Variants in LAMA2 observed in about 807,000 individuals in gnomAD.
LAMA2 encodes the protein laminin subunit alpha-2.
In LAMA2, 269 loss-of-function variants were observed where a neutral mutation model predicts 364.8. That is an observed-to-expected ratio of 0.74 (90% CI 0.67 to 0.82). The LOEUF is 0.82. Among genes scored for constraint, LAMA2 ranks in the 40% least tolerant of loss-of-function variants. The pLI is 0.00. For missense variants in LAMA2, 3,807 were observed against 3,873.2 expected (o/e 0.98, Z 0.45); for synonymous variants, 1,379 against 1,370.6 (o/e 1.01, Z -0.14).
chr6:129,069,955 A>G (rs968667960), intron 3 of LAMA2, among the ~76,000 whole-genome samples: 1 of 151,884 alleles, frequency 6.6e-6, no homozygotes, highest in African/African-American at 2.4e-5. Flanking sequence ...GACAGCATGT[A>G]TGTTTTGATT....
chr6:129,007,824 A>G (rs1390038961), intron 1 of LAMA2, among the ~76,000 whole-genome samples: 4 of 152,132 alleles, frequency 2.6e-5, no homozygotes, highest in East Asian at 3.9e-4. Flanking sequence ...AACACACTGT[A>G]TTGTCAGTAA....
chr6:129,468,273 A>T (rs1783643035), intron 51 of LAMA2, among the ~76,000 whole-genome samples: 1 of 151,738 alleles, frequency 6.6e-6, no homozygotes, highest in Admixed American at 6.6e-5. Context: ...CTTAAATTAG[A>T]CTGGGAACTT....
At chr6:129,488,158 A>G (rs1209857840) in intron 56 of LAMA2, among the ~76,000 whole-genome samples, 1 of 152,000 alleles carries the variant, frequency 6.6e-6, no homozygotes, top group Non-Finnish European at 1.5e-5. Flanking sequence ...AAATGCAAAA[A>G]CATTAGCCAG....
rs770006637 is a variant in LAMA2 at position 128,965,599 on chromosome 6, CAAAAG to C, written c.112+82243_112+82247del. Among the ~76,000 whole-genome samples, 5 of 152,066 alleles carry C rather than the reference CAAAAG, an allele frequency of 3.3e-5. No individual in the cohort carries two copies. In the South Asian group the frequency reaches 8.3e-4, roughly 25 times the overall value. On this transcript the variant is annotated intron_variant, in intron 1 of 64. Transcript: ENST00000421865. ...CTTCTTTCTACTTAGGCTAAGCTCT[CAAAAG>C]GAAAGGAGATGTAATTCAATGTATG...
At chr6:129,503,029 T>C (rs1785772892) in intron 59 of LAMA2, 62 bp from the exon 60 acceptor site, 1 of 1,446,162 alleles carries the variant, frequency 6.9e-7, no homozygotes, top group Admixed American at 1.7e-5. Context: ...CTGATACCGC[T>C]CTATTTTAGC....
At chr6:129,290,427 A>G (rs1183892681) in intron 19 of LAMA2, among the ~76,000 whole-genome samples, 1 of 152,164 alleles carries the variant, frequency 6.6e-6, no homozygotes, top group Non-Finnish European at 1.5e-5. Context: ...ACTGAAGACA[A>G]ACTTTGCTGG....
At chr6:129,360,156 A>G (rs1030991001) in intron 32 of LAMA2, among the ~76,000 whole-genome samples, 3 of 152,142 alleles carry the variant, frequency 2.0e-5, no homozygotes, top group African/African-American at 7.2e-5. Flanking sequence ...AATGGTTTGG[A>G]AAGGTTCTTT....
chr6:129,329,455 G>T (rs141189508), intron 29 of LAMA2, among the ~76,000 whole-genome samples: 9 of 152,022 alleles, frequency 5.9e-5, no homozygotes, highest in Non-Finnish European at 1.0e-4. Context: ...TCCGACTCCC[G>T]GGTTCAAGTG....
intron 63 of LAMA2, 33 bp from the exon 64 acceptor site, chr6:129,514,340 C>A: frequency 2.1e-6 from 3 of 1,443,134 alleles, no homozygotes; most frequent in Non-Finnish European, 2.9e-6. Flanking sequence ...TTTAATGAAA[C>A]CATCTGTGAC....
chr6:129,118,408 C>T (rs78789379), intron 4 of LAMA2, among the ~76,000 whole-genome samples: 1,847 of 152,242 alleles, frequency 0.012, 34 homozygotes, highest in African/African-American at 0.042. Context: ...AGTTGGTTTA[C>T]GATTCCTTCT....
At chr6:129,281,894 AT>A (rs1393714902) in intron 18 of LAMA2, among the ~76,000 whole-genome samples, 1 of 152,138 alleles carries the variant, frequency 6.6e-6, no homozygotes, top group East Asian at 1.9e-4. Flanking sequence ...ATTTCATTGT[AT>A]TTATGTAAGC....
intron 28 of LAMA2, among the ~76,000 whole-genome samples, chr6:129,324,320 C>G (rs1307933738): frequency 6.6e-6 from 1 of 152,122 alleles, no homozygotes; most frequent in Non-Finnish European, 1.5e-5. Context: ...AAAGCAGAAC[C>G]TACCATTGAT....
intron 1 of LAMA2, among the ~76,000 whole-genome samples, chr6:128,937,989 T>C (rs2114533913): frequency 6.6e-6 from 1 of 152,278 alleles, no homozygotes; most frequent in African/African-American, 2.4e-5. Flanking sequence ...GTTATTTTCA[T>C]TTGTCTCAAG....
chr6:129,278,079 G>A (rs1788451187), intron 17 of LAMA2, among the ~76,000 whole-genome samples: 2 of 152,204 alleles, frequency 1.3e-5, no homozygotes, highest in Middle Eastern at 3.4e-3. Context: ...GCACCTGCCT[G>A]CAATCCCAGC....
chr6:129,295,103 A>G (rs1482749049), intron 20 of LAMA2, among the ~76,000 whole-genome samples: 3 of 152,056 alleles, frequency 2.0e-5, no homozygotes, highest in Admixed American at 2.0e-4. Flanking sequence ...GAGCCAACCT[A>G]GCTGATCTGG....
At chr6:129,073,579 G>A (rs181075201) in intron 3 of LAMA2, among the ~76,000 whole-genome samples, 3 of 152,080 alleles carry the variant, frequency 2.0e-5, no homozygotes, top group Admixed American at 1.3e-4. Flanking sequence ...TTCTTTTGAG[G>A]TTTCTCAGTC....
At chr6:129,278,284 G>A (rs1401484260) in intron 17 of LAMA2, among the ~76,000 whole-genome samples, 2 of 152,120 alleles carry the variant, frequency 1.3e-5, no homozygotes, top group Non-Finnish European at 2.9e-5. Flanking sequence ...AACTGATTTA[G>A]GATTATAAAA....
At chr6:129,400,977 G>A (rs1030840181) in intron 37 of LAMA2, among the ~76,000 whole-genome samples, 3 of 152,070 alleles carry the variant, frequency 2.0e-5, no homozygotes, top group African/African-American at 4.8e-5. Context: ...AACTAGTATC[G>A]CATAACTTTT....
At chr6:128,883,420 C>T in intron 1 of LAMA2, 63 bp downstream of exon 1, 1 of 1,544,580 alleles carries the variant, frequency 6.5e-7, no homozygotes, top group Non-Finnish European at 8.7e-7. Context: ...TCACTTCTTC[C>T]ACTCTTCCGA....
Sources: gnomAD v4.1 joint callset for allele counts (sites outside exome capture counted in the v4.1 genomes callset) on GRCh38, gnomAD v4.1.1 for gene constraint, MANE v1.5 for transcripts, NCBI Gene and HGNC (gene_info 2026-07-23, HGNC 2026-07-21) for gene names.